The following EPB41L3 variants were observed in gnomAD, a reference collection of about 807,000 sequenced individuals.
EPB41L3 encodes the protein band 4.1-like protein 3.
A neutral mutation model predicts 127.1 loss-of-function variants in EPB41L3; 57 were observed. That is an observed-to-expected ratio of 0.45 (90% CI 0.36 to 0.56). EPB41L3 has a LOEUF of 0.56. EPB41L3 is among the 20% of genes least tolerant of loss of function. EPB41L3 has a pLI of 0.00. For missense variants in EPB41L3, 1,273 were observed against 1,372.2 expected, an observed-to-expected ratio of 0.93 and a Z score of 1.14; for synonymous variants, 572 against 549.5, an observed-to-expected ratio of 1.04 and a Z score of -0.57.
chr18:5,564,909 G>T (rs1194349597), intron 3 of EPB41L3, among the ~76,000 whole-genome samples: 2 of 152,044 alleles, frequency 1.3e-5, no homozygotes, highest in Non-Finnish European at 2.9e-5. Context: ...TACCTGATTC[G>T]GCTTTTTAAA....
Position 5,489,121 on chromosome 18 carries a change from C to T in EPB41L3, c.63G>A (p.Glu21=), listed in dbSNP as rs1349822470. ...SKPDQEAEPQ[E]AAGAQGRAGA... is the part of the protein sequence containing the mutation. ...CCGCGCGCCCCTGCGCCCCCGCCGC[C>T]TCCTGGGGCTCGGCCTCCTGGTCCG... Residue 21 remains glutamate, a synonymous_variant, in exon 2 of 23, where the codon GAG becomes GAA. Transcript: ENST00000341928. 6.3e-7 allele frequency: 1 copy of T among 1,594,666 alleles called. No homozygotes were observed. The highest frequency in any genetic ancestry group is 1.4e-5 in the African/African-American group (1 of 72,708).
chr18:5,547,024 G>A (rs1190464597), upstream of EPB41L3, among the ~76,000 whole-genome samples: 3 of 148,526 alleles, frequency 2.0e-5, no homozygotes, highest in Non-Finnish European at 4.4e-5. Flanking sequence ...ATAATATTAG[G>A]GGCCTATAAA....
intron 3 of EPB41L3, among the ~76,000 whole-genome samples, chr18:5,467,976 C>T (rs1446915320): frequency 6.6e-6 from 1 of 152,200 alleles, no homozygotes; most frequent in African/African-American, 2.4e-5. Flanking sequence ...CCTGCCCCTA[C>T]AGGCTTGTAA....
Position 5,424,262 on chromosome 18 carries a change from C to A in EPB41L3, c.1163G>T (p.Arg388Ile). ...KVCVEHHTFF[R>I]LLLPEAPPKK... is the part of the protein sequence containing the mutation. The stretch of plus-strand genomic sequence containing the variant: ...AAAAAACAAAATAATCTCTTCCTAC[C>A]TGAAAAATGTATGATGCTCAACACA... The change falls in exon 10 of 23, where the codon AGA becomes ATA. Residue 388 changes from arginine to isoleucine, a missense_variant and splice_region_variant. Coordinates refer to ENST00000341928, the MANE Select transcript of EPB41L3 (RefSeq NM_012307.5). The A allele has an allele frequency of 6.4e-7, 1 of 1,571,826 alleles. No homozygotes were observed. The highest frequency in any genetic ancestry group is 8.6e-7 in the Non-Finnish European group (1 of 1,160,648).
intron 1 of EPB41L3, among the ~76,000 whole-genome samples, chr18:5,623,865 C>G (rs555663016): frequency 5.9e-5 from 9 of 152,046 alleles, no homozygotes; most frequent in Non-Finnish European, 1.2e-4. Context: ...CCATGTTGGC[C>G]AGGCTTGCCT....
chr18:5,573,913 C>T (rs773950281), intron 3 of EPB41L3, among the ~76,000 whole-genome samples: 16 of 141,460 alleles, frequency 1.1e-4, no homozygotes, highest in Non-Finnish European at 2.0e-4. Flanking sequence ...ATATATATAC[C>T]TTTTTTTTTT....
At position 5,393,468 on chromosome 18, in the gene EPB41L3, C is replaced by G; in HGVS notation, c.*17G>C. On this transcript the variant is annotated 3_prime_UTR_variant, in exon 23 of 23. Coordinates refer to ENST00000341928, the MANE Select transcript of EPB41L3 (RefSeq NM_012307.5). Reference sequence around the variant, plus strand: ...TTGCATGACTGCATTCATGTGCAAGCTAAGTTATTCCTGCAAAAAAGACAT... The same window carrying G: ...TTGCATGACTGCATTCATGTGCAAGGTAAGTTATTCCTGCAAAAAAGACAT... The G allele has an allele frequency of 2.9e-6, 2 of 701,498 alleles. No individual in the cohort carries two copies. The highest frequency in any genetic ancestry group is 5.2e-6 in the Non-Finnish European group (2 of 384,468). 43.5% of individuals were successfully genotyped at this position (701,498 alleles called of 1,614,324 possible).
At chr18:5,617,160 T>C (rs2094804999) in intron 1 of EPB41L3, among the ~76,000 whole-genome samples, 1 of 152,206 alleles carries the variant, frequency 6.6e-6, no homozygotes, top group African/African-American at 2.4e-5. Context: ...TGTTTTTATA[T>C]ACTGGCCTCC....
chr18:5,439,747 CTTA>C (rs2080393154), intron 5 of EPB41L3, among the ~76,000 whole-genome samples: 1 of 152,108 alleles, frequency 6.6e-6, no homozygotes, highest in Admixed American at 6.5e-5. Context: ...GTTTTATTTT[CTTA>C]TTGATTCCTA....
intron 1 of EPB41L3, among the ~76,000 whole-genome samples, chr18:5,511,494 G>T (rs1259525887): frequency 2.9e-5 from 4 of 137,126 alleles, no homozygotes; most frequent in African/African-American, 1.1e-4. Flanking sequence ...GCCCAGATTG[G>T]TTTTTTCATA....
intron 1 of EPB41L3, among the ~76,000 whole-genome samples, chr18:5,523,997 G>C (rs2093114858): frequency 6.6e-6 from 1 of 151,938 alleles, no homozygotes; most frequent in African/African-American, 2.4e-5. Context: ...ACATATATAT[G>C]TGTGTGTATA....
rs1296371702 is a variant in EPB41L3, at chr18:5,478,512, C to A, written c.184-74G>T. 3.0e-5 allele frequency: 41 copies of A among 1,374,860 alleles called. 1 individual carries two copies. Among genetic ancestry groups the A allele is most frequent in the Non-Finnish European group, 4.2e-5 (41 of 975,696 alleles). The allele number at this position is 1,374,860 out of a possible 1,614,324, so 85.2% of individuals were successfully genotyped here. On this transcript the variant is annotated intron_variant, in intron 2 of 22. Transcript: ENST00000341928. ...ATATTGCATTGCTCATGCAATAGCA[C>A]AAAACTGCTTTCTATTTCATAGAGG... is the stretch of plus-strand genomic sequence containing the variant.
intron 1 of EPB41L3, among the ~76,000 whole-genome samples, chr18:5,542,985 C>G (rs1438805473): frequency 6.6e-6 from 1 of 152,070 alleles, no homozygotes; most frequent in African/African-American, 2.4e-5. Context: ...GAAGCCCTAG[C>G]CTCCCCACCC....
At chr18:5,609,766 G>T (rs749980861) in intron 3 of EPB41L3, among the ~76,000 whole-genome samples, 1 of 150,934 alleles carries the variant, frequency 6.6e-6, no homozygotes, top group African/African-American at 2.4e-5. Context: ...GTGATTTATA[G>T]AAACAACTGA....
intron 3 of EPB41L3, chr18:5,610,238 C>A (rs2094710513): frequency 1.0e-6 from 1 of 984,856 alleles, no homozygotes; most frequent in Admixed American, 6.2e-5. Context: ...GAAGGGTGAG[C>A]AAAAAAGAGA....
intron 2 of EPB41L3, among the ~76,000 whole-genome samples, chr18:5,482,259 A>G (rs1243022203): frequency 6.6e-6 from 1 of 152,238 alleles, no homozygotes; most frequent in East Asian, 1.9e-4. Context: ...AGAATGAACA[A>G]AGCACAGGAA....
At chr18:5,403,779 T>C (rs539521946) in intron 16 of EPB41L3, among the ~76,000 whole-genome samples, 4 of 152,148 alleles carry the variant, frequency 2.6e-5, no homozygotes, top group Admixed American at 6.5e-5. Context: ...TTGACTACTG[T>C]TTAATTGAAG....
At chr18:5,540,988 G>A (rs1443386407) in intron 1 of EPB41L3, among the ~76,000 whole-genome samples, 1 of 151,296 alleles carries the variant, frequency 6.6e-6, no homozygotes, top group Non-Finnish European at 1.5e-5. Context: ...GGGAGGCTGA[G>A]GCAGGAGAAT....
At chr18:5,432,577 T>G (rs2079143774) in intron 8 of EPB41L3, among the ~76,000 whole-genome samples, 1 of 152,214 alleles carries the variant, frequency 6.6e-6, no homozygotes, top group Admixed American at 6.5e-5. Context: ...CATAAAAGCT[T>G]CCTTGTATTT....
Sources: gnomAD v4.1 joint callset for allele counts (sites outside exome capture counted in the v4.1 genomes callset) on GRCh38, gnomAD v4.1.1 for gene constraint, MANE v1.5 for transcripts, NCBI Gene and HGNC (gene_info 2026-07-23, HGNC 2026-07-21) for gene names.